ZNF787: variants seen among roughly 807,000 people sequenced by gnomAD.
ZNF787 encodes zinc finger protein 787.
A neutral mutation model predicts 16.9 loss-of-function variants in ZNF787; 7 were observed. That is an observed-to-expected ratio of 0.42 (90% CI 0.24 to 0.78). The LOEUF is 0.78. Ranked by LOEUF, ZNF787 falls within the 30% of genes least tolerant of loss-of-function variation. The probability of loss-of-function intolerance (pLI) is 0.30; values close to 1 mark genes in which losing one functional copy is unlikely to be tolerated. For missense variants in ZNF787, 551 were observed against 589.3 expected, an observed-to-expected ratio of 0.94 and a Z score of 0.67; for synonymous variants, 345 against 270.9, an observed-to-expected ratio of 1.27 and a Z score of -2.69.
chr19:56,094,702 T>C (rs1985803045), intron 2 of ZNF787, among the ~76,000 whole-genome samples: 1 of 152,110 alleles, frequency 6.6e-6, no homozygotes, highest in Non-Finnish European at 1.5e-5. Context: ...GCCCCCAACC[T>C]TTTTGGCACT....
intron 1 of ZNF787, among the ~76,000 whole-genome samples, chr19:56,112,115 G>A (rs138458671): frequency 2.0e-5 from 3 of 152,306 alleles, no homozygotes; most frequent in Admixed American, 6.5e-5. Context: ...AGAGGTGAAC[G>A]ATGGGAGAGG....
intron 2 of ZNF787, among the ~76,000 whole-genome samples, chr19:56,091,219 G>A (rs937923506): frequency 2.6e-5 from 4 of 152,238 alleles, no homozygotes; most frequent in African/African-American, 9.6e-5. Context: ...TGTTGTCACC[G>A]TAAACCGAGC....
At chr19:56,107,117 C>T (rs1986354425) in intron 1 of ZNF787, among the ~76,000 whole-genome samples, 2 of 152,194 alleles carry the variant, frequency 1.3e-5, no homozygotes, top group African/African-American at 2.4e-5. Flanking sequence ...AGGCACTGCT[C>T]TAAACGGCTG....
At chr19:56,118,439 TGGGGGCGGAA>T (rs1599963640) in intron 1 of ZNF787, among the ~76,000 whole-genome samples, 2 of 152,104 alleles carry the variant, frequency 1.3e-5, no homozygotes, top group East Asian at 3.9e-4. Context: ...GACCCCAACC[TGGGGGCGGAA>T]GGGGGCGGTT....
chr19:56,107,189 A>G (rs1264659444), intron 1 of ZNF787, among the ~76,000 whole-genome samples: 1 of 152,132 alleles, frequency 6.6e-6, no homozygotes, highest in Non-Finnish European at 1.5e-5. Context: ...TGCTGTCCCC[A>G]TTATGCAGAT....
At chr19:56,089,508 C>T (rs76717212) in intron 2 of ZNF787, among the ~76,000 whole-genome samples, 16,769 of 152,180 alleles carry the variant, frequency 0.11, 1,281 homozygotes, top group East Asian at 0.32. Context: ...GCAGAGGGGC[C>T]GCAGGGCTTG....
In ZNF787 at chr19:56,104,678, C is replaced by A. The variant is rs575768942; in HGVS notation, c.-10-1451G>T. ...ACCACCAACCCGTGACTGTGAAAGT[C>A]TCTACGCACACCAACACCAACCTGT... is the stretch of plus-strand genomic sequence containing the variant. On this transcript the variant is annotated intron_variant, in intron 1 of 2. Coordinates refer to ENST00000610935, the MANE Select transcript of ZNF787 (RefSeq NM_001002836.4). Among the ~76,000 whole-genome samples, 29 of 152,292 alleles carry A rather than the reference C, an allele frequency of 1.9e-4. 1 individual carries two copies. Among genetic ancestry groups the A allele is most frequent in the African/African-American group, 6.7e-4 (28 of 41,566 alleles).
At chr19:56,102,947 G>A (rs1312311865) in intron 2 of ZNF787, 192 bp downstream of exon 2, 1 of 718,278 alleles carries the variant, frequency 1.4e-6, no homozygotes, top group Non-Finnish European at 2.5e-6. Context: ...GAAACTTGGA[G>A]CCACAACACT....
chr19:56,093,182 G>A (rs907277939), intron 2 of ZNF787, among the ~76,000 whole-genome samples: 1 of 150,744 alleles, frequency 6.6e-6, no homozygotes, highest in Non-Finnish European at 1.5e-5. Context: ...CGGGGATGGC[G>A]GAAGTGGGAT....
At position 56,088,184 on chromosome 19, in the gene ZNF787, C is replaced by G. The variant is rs1460725810; in HGVS notation, c.988G>C (p.Ala330Pro). ...VECGEGFVQG[A>P]ALRRHKKIHA... ...ATCTTCTTGTGTCTCCGGAGCGCGGCGCCCTGCACGAAGCCCTCCCCGCAC... is the reference window on the plus strand; with the variant it reads ...ATCTTCTTGTGTCTCCGGAGCGCGGGGCCCTGCACGAAGCCCTCCCCGCAC... Residue 330 changes from alanine (A) to proline (P), a missense_variant, in exon 3 of 3, where the codon GCC becomes CCC. Around this residue, in one of 4 missense-constraint regions of ZNF787, gnomAD observed 392 missense variants for 312.7 expected, o/e 1.25. Transcript: ENST00000610935. This position sits in a 1 kb window ranked among gnomAD's most constrained non-coding sequence, Gnocchi z 8.6. 1.3e-6 allele frequency: 2 copies of G among 1,543,428 alleles called. No individual in the cohort carries two copies. Among genetic ancestry groups the G allele is most frequent in the Non-Finnish European group, 1.7e-6 (2 of 1,150,868 alleles).
At chr19:56,090,864 G>A (rs919663211) in intron 2 of ZNF787, among the ~76,000 whole-genome samples, 2 of 152,148 alleles carry the variant, frequency 1.3e-5, no homozygotes, top group African/African-American at 4.8e-5. Flanking sequence ...CCCTCCAGAC[G>A]CACTGTATGA....
In ZNF787 at chr19:56,087,798, G is replaced by C. The variant is rs985465267; in HGVS notation, c.*225C>G. 1 of 651,278 alleles carries C rather than the reference G, an allele frequency of 1.5e-6. No individual in the cohort carries two copies. The highest frequency in any genetic ancestry group is 2.1e-6 in the Non-Finnish European group (1 of 467,934). The allele number at this position is 651,278 out of a possible 1,614,324, so 40.3% of individuals were successfully genotyped here. A position where few individuals can be genotyped will look rare whatever the true frequency, so the allele number is the denominator to read the frequency against. On this transcript the variant is annotated 3_prime_UTR_variant, in exon 3 of 3. Coordinates refer to ENST00000610935, the MANE Select transcript of ZNF787 (RefSeq NM_001002836.4). The stretch of plus-strand genomic sequence containing the variant: ...CGCAGGCCGATAACTTAGGAAGGGC[G>C]GGCCAGGCTGAGGGGGCAGAGTCTC...
chr19:56,090,679 G>A (rs753687948), intron 2 of ZNF787, among the ~76,000 whole-genome samples: 4 of 152,164 alleles, frequency 2.6e-5, no homozygotes, highest in Non-Finnish European at 5.9e-5. Context: ...AAAATTAGCC[G>A]GGCGTGGTGG....
At position 56,103,780 on chromosome 19, in the gene ZNF787, T is replaced by C. The variant is rs549102383; in HGVS notation, c.-10-553A>G. On this transcript the variant is annotated intron_variant, in intron 1 of 2. Coordinates refer to ENST00000610935, the MANE Select transcript of ZNF787 (RefSeq NM_001002836.4). ...CTCTGCGCACGACACCACCGACCCGTGCCACGCACCAGGAGGGTCTCTACG... is the reference window on the plus strand; with the variant it reads ...CTCTGCGCACGACACCACCGACCCGCGCCACGCACCAGGAGGGTCTCTACG... Among the ~76,000 whole-genome samples, 1,442 of 148,932 alleles carry C rather than the reference T, an allele frequency of 9.7e-3. 147 individuals are homozygous for C. Among genetic ancestry groups the C allele is most frequent in the South Asian group, 0.044 (201 of 4,518 alleles).
chr19:56,116,158 C>T (rs1016299159), intron 1 of ZNF787, among the ~76,000 whole-genome samples: 4 of 152,150 alleles, frequency 2.6e-5, no homozygotes, highest in African/African-American at 9.7e-5. Flanking sequence ...AATAAAGCCC[C>T]TGGCTGGGCG....
At chr19:56,090,068 T>C (rs141550360) in intron 2 of ZNF787, among the ~76,000 whole-genome samples, 1 of 152,174 alleles carries the variant, frequency 6.6e-6, no homozygotes, top group African/African-American at 2.4e-5. Context: ...TTCAAAGCCA[T>C]GAATCACAAT....
chr19:56,118,219 A>ACTC (rs774452704), intron 1 of ZNF787, among the ~76,000 whole-genome samples: 1 of 152,182 alleles, frequency 6.6e-6, no homozygotes, highest in Middle Eastern at 3.2e-3. Flanking sequence ...ATGCTGGGTG[A>ACTC]GTGAGGCCTC....
At chr19:56,099,944 C>T (rs902834425) in intron 2 of ZNF787, among the ~76,000 whole-genome samples, 4 of 152,062 alleles carry the variant, frequency 2.6e-5, no homozygotes, top group Non-Finnish European at 4.4e-5. Flanking sequence ...GCCGGGATCT[C>T]GCCTCCTCCC....
rs1182738366 is a variant in ZNF787 at position 56,087,999 on chromosome 19, C to G, written c.*24G>C. 2.5e-5 allele frequency: 21 copies of G among 852,976 alleles called. No individual in the cohort carries two copies. In the East Asian group the frequency reaches 2.8e-4, roughly 11 times the overall value. The allele number at this position is 852,976 out of a possible 1,614,324, so 52.8% of individuals were successfully genotyped here. ...CCCGCCAAGCCCGAGGGGCCCTGCC[C>G]GCCCCCCCCCCCGGGCCCCTCCCCT... On this transcript the variant is annotated 3_prime_UTR_variant, in exon 3 of 3. Transcript: ENST00000610935.
Sources: allele counts gnomAD v4.1 joint callset (sites outside exome capture counted in the v4.1 genomes callset), GRCh38; gene constraint gnomAD v4.1.1; regional missense constraint gnomAD v4.1.1; non-coding constraint Gnocchi (gnomAD v3.1); transcripts MANE v1.5; gene names NCBI Gene and HGNC (gene_info 2026-07-23, HGNC 2026-07-21).